ACRBP: variants seen among roughly 807,000 people sequenced by gnomAD.
The protein encoded by ACRBP is acrosin binding protein.
A neutral mutation model predicts 69.0 loss-of-function variants in ACRBP; 52 were observed. The ratio of observed to expected loss-of-function variants is 0.75; its 90% CI spans 0.60 to 0.95. The LOEUF (loss-of-function observed/expected upper bound fraction) is 0.95. Ranked by LOEUF, ACRBP falls within the 40% of genes least tolerant of loss-of-function variation. ACRBP has a pLI of 0.00. For synonymous variants in ACRBP, 267 were observed against 258.9 expected (o/e 1.03, Z -0.30); for missense variants, 604 against 673.0 (o/e 0.90, Z 1.13).
chr12:6,639,978 A>G (rs559653863), intron 8 of ACRBP, 82 bp downstream of exon 8: 2 of 1,521,342 alleles, frequency 1.3e-6, no homozygotes, highest in East Asian at 2.3e-5. Flanking sequence ...CCCTTCCACA[A>G]ACTAGCGCTA....
rs778129244 is a variant in ACRBP, at chr12:6,640,615, C to T, written c.1078-93G>A. ...CTCCAGGGTGGGCCCTGCAGAATGT[C>T]TTTGCATTTAGCCTCTTCCAAAAGC... On this transcript the variant is annotated intron_variant, in intron 6 of 9. Transcript: ENST00000229243. This position sits in a 1 kb window ranked among gnomAD's most constrained non-coding sequence, Gnocchi z 5.3. 6.5e-6 allele frequency: 9 copies of T among 1,385,812 alleles called. No individual in the cohort carries two copies. Among genetic ancestry groups the T allele is most frequent in the Non-Finnish European group, 8.8e-6 (9 of 1,020,306 alleles). The allele number at this position is 1,385,812 out of a possible 1,614,324, so 85.8% of individuals were successfully genotyped here.
intron 4 of ACRBP, 42 bp downstream of exon 4, chr12:6,645,178 T>A (rs757048452): frequency 1.4e-6 from 2 of 1,467,442 alleles, no homozygotes; most frequent in East Asian, 4.6e-5. Flanking sequence ...CTGGGAGTTG[T>A]GGGAGTAGCT....
At chr12:6,643,295 C>G (rs1490810791) in intron 6 of ACRBP, among the ~76,000 whole-genome samples, 1 of 152,056 alleles carries the variant, frequency 6.6e-6, no homozygotes, top group Non-Finnish European at 1.5e-5. Context: ...CCTGGCAACT[C>G]AGGGAGGTGA....
chr12:6,646,684 T>C, intron 2 of ACRBP, 107 bp from the exon 3 acceptor site: 1 of 1,508,424 alleles, frequency 6.6e-7, no homozygotes, highest in Non-Finnish European at 9.2e-7. Flanking sequence ...GAGCTCATGG[T>C]GTGGTGCCAG....
Position 6,646,789 on chromosome 12 carries a change from C to T in ACRBP, c.262+5G>A, listed in dbSNP as rs1180496783. ...CCTCGGTTTCCCCCCTAGTCTGGCC[C>T]TCACCATCGGGCACTAAGCCGTGGT... On this transcript the variant is annotated splice_donor_5th_base_variant and intron_variant, in intron 2 of 9. Coordinates refer to ENST00000229243, the MANE Select transcript of ACRBP (RefSeq NM_032489.3). 1.9e-6 allele frequency: 3 copies of T among 1,613,632 alleles called. No homozygotes were observed. Among genetic ancestry groups the T allele is most frequent in the East Asian group, 2.2e-5 (1 of 44,886 alleles).
chr12:6,644,226 G>T lies in ACRBP; in HGVS notation c.855C>A (p.Ile285=). ...CCTGGGCTGATCGAATGAGCTCCTG[G>T]ATGTTCTCCATTATCATAGGAGTAG... ...VESTPMIMEN[I]QELIRSAQEI... Residue 285 remains isoleucine (I), a synonymous_variant, in exon 5 of 10, where the codon ATC becomes ATA. Coordinates refer to ENST00000229243, the MANE Select transcript of ACRBP (RefSeq NM_032489.3). 6.2e-7 allele frequency: 1 copy of T among 1,613,962 alleles called. No individual in the cohort carries two copies. The highest frequency in any genetic ancestry group is 8.5e-7 in the Non-Finnish European group (1 of 1,179,914).
At chr12:6,639,076 A>G (rs754149345) in intron 8 of ACRBP, 39 bp from the exon 9 acceptor site, 1 of 1,570,068 alleles carries the variant, frequency 6.4e-7, no homozygotes, top group South Asian at 1.1e-5. Flanking sequence ...GGGTATCAGA[A>G]GCCTCACCAG....
Position 6,638,375 on chromosome 12 carries a change from C to T in ACRBP, c.1539G>A (p.Glu513=), listed in dbSNP as rs1949026406. The T allele has an allele frequency of 1.2e-6, 2 of 1,614,068 alleles. No individual in the cohort carries two copies. The highest frequency in any genetic ancestry group is 1.3e-5 in the African/African-American group (1 of 75,016). Residue 513 remains glutamate (E), a synonymous_variant, in exon 10 of 10, where the codon GAG becomes GAA. Transcript: ENST00000229243. Reference sequence around the variant, plus strand: ...TGCCAGGGCTCAGCGCACTGTAAGTCTCATTCTGCAGACATCTCATGCGGG... The same window carrying T: ...TGCCAGGGCTCAGCGCACTGTAAGTTTCATTCTGCAGACATCTCATGCGGG... ...KVSRMRCLQN[E]TYSALSPGKS... is the part of the protein sequence containing the mutation.
At chr12:6,638,458 TGGGGAGGA>T in intron 9 of ACRBP, 54 bp from the exon 10 acceptor site, 1 of 1,608,496 alleles carries the variant, frequency 6.2e-7, no homozygotes, top group Non-Finnish European at 8.5e-7. Flanking sequence ...GTGCCAGGAG[TGGGGAGGA>T]GGGGAGGTGT....
intron 8 of ACRBP, 126 bp from the exon 9 acceptor site, chr12:6,639,163 A>T: frequency 1.2e-6 from 1 of 807,628 alleles, no homozygotes; most frequent in Non-Finnish European, 2.0e-6. Flanking sequence ...TCTTCCACAC[A>T]CAGGCGGCCC....
Position 6,644,129 on chromosome 12 carries a change from TC to T in ACRBP, c.944+7del, listed in dbSNP as rs758016746. The T allele has an allele frequency of 6.4e-7, 1 of 1,562,212 alleles. No homozygotes were observed. Among genetic ancestry groups the T allele is most frequent in the Admixed American group, 1.9e-5 (1 of 53,526 alleles). On this transcript the variant is annotated splice_region_variant and intron_variant, in intron 5 of 9. Transcript: ENST00000229243. ...CAGGGTGGATGACAGAGTCAAAACT[TC>T]CTATACCTGCCAGGGTTTTGGTTTC...
chr12:6,641,508 T>C (rs1949052691), intron 6 of ACRBP, among the ~76,000 whole-genome samples: 1 of 152,198 alleles, frequency 6.6e-6, no homozygotes, highest in Non-Finnish European at 1.5e-5. Flanking sequence ...TCTTTGACTC[T>C]GTCTCCTGCT....
chr12:6,643,522 C>T lies in ACRBP; in HGVS notation c.1077+17G>A, dbSNP rs1163405056. On this transcript the variant is annotated intron_variant, in intron 6 of 9. Coordinates refer to ENST00000229243, the MANE Select transcript of ACRBP (RefSeq NM_032489.3). Reference sequence around the variant, plus strand: ...TGCCCAGTGGCATGTATCCATTAGACAGTATGGCTGGCATACCGACTTCCC... The same window carrying T: ...TGCCCAGTGGCATGTATCCATTAGATAGTATGGCTGGCATACCGACTTCCC... 6.2e-7 allele frequency: 1 copy of T among 1,613,910 alleles called. No homozygotes were observed. The highest frequency in any genetic ancestry group is 8.5e-7 in the Non-Finnish European group (1 of 1,179,860).
At chr12:6,641,682 A>G (rs568692581) in intron 6 of ACRBP, among the ~76,000 whole-genome samples, 7 of 152,158 alleles carry the variant, frequency 4.6e-5, no homozygotes, top group Admixed American at 3.3e-4. Flanking sequence ...TAACTCCCTC[A>G]TGGGTTCTTG....
chr12:6,641,479 C>A (rs772968488), intron 6 of ACRBP, among the ~76,000 whole-genome samples: 2 of 152,256 alleles, frequency 1.3e-5, no homozygotes, highest in Admixed American at 1.3e-4. Flanking sequence ...AGAGTTTTTG[C>A]GTCATGACCC....
At chr12:6,643,698 G>A (rs1428796612) in intron 5 of ACRBP, 27 bp from the exon 6 acceptor site, 5 of 1,607,280 alleles carry the variant, frequency 3.1e-6, no homozygotes, top group Non-Finnish European at 4.3e-6. Context: ...CTGAGGGTGG[G>A]GCTGGGCCAG....
At position 6,638,691 on chromosome 12, in the gene ACRBP, A is replaced by G. The variant is rs574803134; in HGVS notation, c.1509+263T>C. ...GAGACAGACCGAGACCTCAACGTCC[A>G]AGTCCTGGCCCAGCCAAGGGTTCTT... On this transcript the variant is annotated intron_variant, in intron 9 of 9. Coordinates refer to ENST00000229243, the MANE Select transcript of ACRBP (RefSeq NM_032489.3). 34 of 1,424,856 alleles carry G rather than the reference A, an allele frequency of 2.4e-5. No individual in the cohort carries two copies. The African/African-American group carries it at 4.9e-4, about 21-fold the overall frequency. The allele number at this position is 1,424,856 out of a possible 1,614,324, so 88.3% of individuals were successfully genotyped here. A position where few individuals can be genotyped will look rare whatever the true frequency, so the allele number is the denominator to read the frequency against.
At chr12:6,639,732 A>G (rs1292855381) in intron 8 of ACRBP, among the ~76,000 whole-genome samples, 1 of 152,228 alleles carries the variant, frequency 6.6e-6, no homozygotes, top group African/African-American at 2.4e-5. Context: ...CGTGTCACTC[A>G]GTCATTTCTT....
At chr12:6,643,040 C>T (rs1339964458) in intron 6 of ACRBP, among the ~76,000 whole-genome samples, 1 of 151,982 alleles carries the variant, frequency 6.6e-6, no homozygotes, top group African/African-American at 2.4e-5. Flanking sequence ...TTGGTTGAGC[C>T]CAGGAGTTCT....
Sources: allele counts gnomAD v4.1 joint callset (sites outside exome capture counted in the v4.1 genomes callset), GRCh38; gene constraint gnomAD v4.1.1; non-coding constraint Gnocchi (gnomAD v3.1); transcripts MANE v1.5; gene names NCBI Gene and HGNC (gene_info 2026-07-23, HGNC 2026-07-21).